Variants in EEFSEC observed in about 807,000 individuals in gnomAD.
EEFSEC encodes the protein eukaryotic elongation factor, selenocysteine-tRNA specific.
In EEFSEC, 43 loss-of-function variants were observed where a neutral mutation model predicts 42.1. The observed-to-expected ratio is 1.02, with a 90% CI of 0.80 to 1.32. The LOEUF (loss-of-function observed/expected upper bound fraction) is 1.32. Ranked by LOEUF, EEFSEC falls within the 40% of genes most tolerant of loss-of-function variation. EEFSEC has a pLI of 0.00. For synonymous variants in EEFSEC, 354 were observed against 339.1 expected (o/e 1.04, Z -0.48); for missense variants, 745 against 803.6 (o/e 0.93, Z 0.88).
intron 1 of EEFSEC, among the ~76,000 whole-genome samples, chr3:128,178,607 T>C (rs2065374902): frequency 6.6e-6 from 1 of 152,220 alleles, no homozygotes; most frequent in Admixed American, 6.5e-5. Context: ...CACTTTGTTT[T>C]TTTTCTATTA....
At chr3:128,422,443 G>A in the EEFSEC span, among the ~76,000 whole-genome samples, 140 of 152,288 alleles carry the variant, frequency 9.2e-4, no homozygotes, top group South Asian at 0.028. Flanking sequence ...CACAGGTCCT[G>A]GCCTTCTGGG....
rs576245941 is a variant in EEFSEC at position 128,401,085 on chromosome 3, G to A, written c.1601-6984G>A. 6.6e-5 allele frequency among the ~76,000 whole-genome samples: 10 copies of A among 152,220 alleles called. No homozygotes were observed. In the South Asian group the frequency reaches 1.2e-3, roughly 19 times the overall value. ...AAAGAGGCCCTACTGAATGACAGAC[G>A]TACATGTAGCACACACACACCCTAG... On this transcript the variant is annotated intron_variant, in intron 6 of 6. Transcript: ENST00000254730.
At position 128,222,108 on chromosome 3, in the gene EEFSEC, A is replaced by G. The variant is rs542448931; in HGVS notation, c.317-24728A>G. 6.5e-5 allele frequency among the ~76,000 whole-genome samples: 9 copies of G among 138,124 alleles called. No homozygotes were observed. The South Asian group carries it at 2.0e-3, about 30-fold the overall frequency. 90.6% of individuals were successfully genotyped at this position (138,124 alleles called of 152,430 possible). On this transcript the variant is annotated intron_variant, in intron 1 of 6. Transcript: ENST00000254730. ...GAGTGCAGTGGCACGATCTCAGCTC[A>G]CTGCAACCTCCCCCTCCGGGGTTCA...
chr3:128,329,530 A>C (rs1026218357), intron 4 of EEFSEC, among the ~76,000 whole-genome samples: 1 of 151,372 alleles, frequency 6.6e-6, no homozygotes, highest in African/African-American at 2.4e-5. Flanking sequence ...TGTGGGGGCC[A>C]AGGTGGGCAG....
chr3:128,330,349 G>A (rs944577700), intron 4 of EEFSEC, among the ~76,000 whole-genome samples: 2 of 152,172 alleles, frequency 1.3e-5, no homozygotes, highest in African/African-American at 2.4e-5. Flanking sequence ...CTCAGAGTGT[G>A]CCCCATGTGG....
intron 2 of EEFSEC, among the ~76,000 whole-genome samples, chr3:128,249,189 A>C (rs769430047): frequency 6.6e-6 from 1 of 152,264 alleles, no homozygotes; most frequent in Non-Finnish European, 1.5e-5. Context: ...TGAACCATGT[A>C]CCTATCAAAA....
chr3:128,298,678 C>G (rs1022236720), intron 4 of EEFSEC, among the ~76,000 whole-genome samples: 26 of 152,188 alleles, frequency 1.7e-4, no homozygotes, highest in African/African-American at 6.0e-4. Context: ...AACACTAGAT[C>G]TTATTCCTTC....
intron 6 of EEFSEC, among the ~76,000 whole-genome samples, chr3:128,384,767 GC>G (rs1013768887): frequency 3.3e-5 from 5 of 152,174 alleles, no homozygotes; most frequent in Non-Finnish European, 7.4e-5. Context: ...CATTTGCTGG[GC>G]TAGTGCACAG....
chr3:128,408,104 C>A lies in EEFSEC; in HGVS notation c.1636C>A (p.Pro546Thr). ...CCCCGAGTCCAAGAAGATCCTGACA[C>A]CCGCCCTCAAGAAGCGGGCCCGGGC... Reference protein sequence around the residue: ...LSPESKKILTPALKKRARAGR... With the variant: ...LSPESKKILTTALKKRARAGR... The change falls in exon 7 of 7, where the codon CCC (proline) becomes ACC (threonine). Residue 546 changes from proline to threonine, a missense_variant. Coordinates refer to ENST00000254730, the MANE Select transcript of EEFSEC (RefSeq NM_021937.5). 6.2e-7 allele frequency: 1 copy of A among 1,601,930 alleles called. No individual in the cohort carries two copies.
At chr3:128,256,492 C>T (rs1355892454) in intron 2 of EEFSEC, among the ~76,000 whole-genome samples, 5 of 152,198 alleles carry the variant, frequency 3.3e-5, no homozygotes, top group Admixed American at 6.5e-5. Context: ...ACAACATTCG[C>T]AGCATCATGC....
intron 4 of EEFSEC, among the ~76,000 whole-genome samples, chr3:128,287,962 GC>G (rs537660771): frequency 3.6e-4 from 29 of 81,630 alleles, no homozygotes; most frequent in African/African-American, 1.1e-3. Context: ...GTTTCCCCCC[GC>G]CCCCCCCAAA....
At chr3:128,285,193 G>A (rs1420745612) in intron 4 of EEFSEC, among the ~76,000 whole-genome samples, 1 of 152,152 alleles carries the variant, frequency 6.6e-6, no homozygotes, top group Non-Finnish European at 1.5e-5. Context: ...GGGGTCATGG[G>A]TACTTCTGGG....
chr3:128,376,966 AT>A (rs2067716947), intron 6 of EEFSEC, among the ~76,000 whole-genome samples: 2 of 152,294 alleles, frequency 1.3e-5, no homozygotes, highest in East Asian at 3.9e-4. Context: ...CAGCGGCACA[AT>A]CTCTCACTCA....
chr3:128,169,105 T>C (rs1203531198), intron 1 of EEFSEC, among the ~76,000 whole-genome samples: 3 of 152,184 alleles, frequency 2.0e-5, no homozygotes, highest in African/African-American at 7.2e-5. Context: ...TTATAAATTA[T>C]GTAAGTGCTA....
At chr3:128,253,871 C>T (rs187467764) in intron 2 of EEFSEC, among the ~76,000 whole-genome samples, 1 of 152,306 alleles carries the variant, frequency 6.6e-6, no homozygotes, top group East Asian at 1.9e-4. Context: ...CATCGTGTCA[C>T]ACTGACCTTT....
intron 1 of EEFSEC, among the ~76,000 whole-genome samples, chr3:128,166,041 A>T (rs1002368678): frequency 6.6e-6 from 1 of 152,172 alleles, no homozygotes; most frequent in African/African-American, 2.4e-5. Context: ...TCTATTTTCT[A>T]AAAAGATGAT....
chr3:128,367,792 C>T (rs888281581), intron 6 of EEFSEC: 77 of 985,312 alleles, frequency 7.8e-5, no homozygotes, highest in Non-Finnish European at 9.2e-5. Context: ...CCAAAGAAAC[C>T]AGCTCTACAA....
At chr3:128,320,994 A>G (rs1029084368) in intron 4 of EEFSEC, among the ~76,000 whole-genome samples, 2 of 152,222 alleles carry the variant, frequency 1.3e-5, no homozygotes, top group African/African-American at 4.8e-5. Flanking sequence ...AGGTTAATCC[A>G]TGTGAGCTTA....
intron 6 of EEFSEC, among the ~76,000 whole-genome samples, chr3:128,398,849 TGGGGG>T: frequency 8.9e-6 from 1 of 112,778 alleles, no homozygotes. Flanking sequence ...CTCCACAGGG[TGGGGG>T]ATCCCATTCC....
Sources: gnomAD v4.1 joint callset for allele counts (sites outside exome capture counted in the v4.1 genomes callset) on GRCh38, gnomAD v4.1.1 for gene constraint, MANE v1.5 for transcripts, NCBI Gene and HGNC (gene_info 2026-07-23, HGNC 2026-07-21) for gene names.